Variants in DENND4C observed in about 807,000 individuals in gnomAD.
DENND4C encodes DENN domain containing 4C, also known as DENN domain-containing protein 4C.
Under a neutral mutation model 203.0 loss-of-function variants are expected in DENND4C, and 108 were observed. The observed-to-expected ratio is 0.53, with a 90% CI of 0.46 to 0.62. The LOEUF is 0.62. Among genes scored for constraint, DENND4C ranks in the 20% least tolerant of loss-of-function variants. DENND4C has a pLI of 0.00. For synonymous variants in DENND4C, 871 were observed against 792.4 expected (o/e 1.10, Z -1.67); for missense variants, 2,481 against 2,301.2 (o/e 1.08, Z -1.60).
At chr9:19,314,281 C>T (rs547802136) in intron 10 of DENND4C, among the ~76,000 whole-genome samples, 20 of 151,956 alleles carry the variant, frequency 1.3e-4, no homozygotes, top group South Asian at 8.3e-4. Flanking sequence ...AGTGAAACCC[C>T]GTCTCTACTA....
Position 19,346,893 on chromosome 9 carries a change from T to A in DENND4C, c.4124T>A (p.Leu1375Ter). ...SRTHKERSTS[L>*]SALVRSSPHG... Reference sequence around the variant, plus strand: ...ACTCATAAAGAACGTTCAACTTCTTTGTCAGCACTGGTGCGTTCTTCGCCA... The same window carrying A: ...ACTCATAAAGAACGTTCAACTTCTTAGTCAGCACTGGTGCGTTCTTCGCCA... The change falls in exon 23 of 33, where the codon TTG (leucine) becomes TAG (stop). Residue 1375 changes from leucine (L) to a stop codon, truncating the protein, a stop_gained. Transcript: ENST00000434457. LOFTEE classifies it high-confidence loss of function. 2 of 1,614,216 alleles carry A rather than the reference T, an allele frequency of 1.2e-6. No individual in the cohort carries two copies. Among genetic ancestry groups the A allele is most frequent in the Non-Finnish European group, 1.7e-6 (2 of 1,180,026 alleles).
At chr9:19,264,856 A>T (rs1332289799) in intron 1 of DENND4C, among the ~76,000 whole-genome samples, 1 of 150,798 alleles carries the variant, frequency 6.6e-6, no homozygotes, top group Non-Finnish European at 1.5e-5. Context: ...TTGCTTTTCT[A>T]ATTCTTTAAG....
intron 22 of DENND4C, among the ~76,000 whole-genome samples, chr9:19,343,843 A>G (rs1191853138): frequency 6.6e-6 from 1 of 152,320 alleles, no homozygotes; most frequent in Non-Finnish European, 1.5e-5. Context: ...GGGCGAGGAT[A>G]ATGGGGCTTT....
intron 13 of DENND4C, 25 bp downstream of exon 13, chr9:19,324,532 G>C (rs767761790): frequency 6.3e-7 from 1 of 1,585,682 alleles, no homozygotes; most frequent in South Asian, 1.2e-5. Context: ...TTATACTAGT[G>C]TTTAGAAAAA....
chr9:19,271,811 T>A (rs4977293), intron 1 of DENND4C, among the ~76,000 whole-genome samples: 2 of 150,432 alleles, frequency 1.3e-5, no homozygotes, highest in Non-Finnish European at 3.0e-5. Context: ...GAAGGTTGCG[T>A]TGAGTTGAGA....
intron 1 of DENND4C, among the ~76,000 whole-genome samples, chr9:19,236,396 G>A (rs985631064): frequency 1.2e-4 from 18 of 152,154 alleles, no homozygotes; most frequent in Admixed American, 7.9e-4. Flanking sequence ...GTAAAAAGGC[G>A]TGAAGTAATG....
intron 1 of DENND4C, among the ~76,000 whole-genome samples, chr9:19,232,943 C>T (rs950048646): frequency 1.3e-5 from 2 of 151,536 alleles, no homozygotes; most frequent in Admixed American, 1.3e-4. Context: ...AGCTTCCTGC[C>T]AAAACAAATA....
At chr9:19,354,586 CT>C (rs1199063604) in intron 26 of DENND4C, among the ~76,000 whole-genome samples, 2 of 118,488 alleles carry the variant, frequency 1.7e-5, no homozygotes, top group African/African-American at 6.5e-5. Context: ...CAGAGTTTCA[CT>C]CTTGTCGCCC....
chr9:19,237,566 C>G (rs1822316182), intron 1 of DENND4C, among the ~76,000 whole-genome samples: 1 of 151,870 alleles, frequency 6.6e-6, no homozygotes, highest in Non-Finnish European at 1.5e-5. Context: ...AATGTGTTAG[C>G]CAGGATGGTT....
rs1438018727 is a variant in DENND4C at position 19,315,510 on chromosome 9, TATGTATATAC to T, written c.1488-897_1488-888del. The stretch of plus-strand genomic sequence containing the variant: ...CTTGGAATATATATATATATACATG[TATGTATATAC>T]ATGTATATATGTATGTGTATATATA... On this transcript the variant is annotated intron_variant, in intron 10 of 32. Coordinates refer to ENST00000434457, the MANE Select transcript of DENND4C (RefSeq NM_001330640.2). 4.0e-5 allele frequency among the ~76,000 whole-genome samples: 6 copies of T among 151,094 alleles called. No homozygotes were observed. The East Asian group carries it at 1.2e-3, about 29-fold the overall frequency.
chr9:19,261,727 A>G (rs908739446), intron 1 of DENND4C, among the ~76,000 whole-genome samples: 3 of 151,418 alleles, frequency 2.0e-5, no homozygotes, highest in African/African-American at 7.3e-5. Flanking sequence ...GCTTGGACCC[A>G]TTGGCTCACT....
chr9:19,302,301 A>C (rs1838750807), intron 9 of DENND4C, among the ~76,000 whole-genome samples: 1 of 152,256 alleles, frequency 6.6e-6, no homozygotes, highest in African/African-American at 2.4e-5. Flanking sequence ...GACCCATAGC[A>C]AAGATTGATA....
intron 9 of DENND4C, among the ~76,000 whole-genome samples, chr9:19,304,785 G>A (rs1051648261): frequency 8.1e-5 from 12 of 148,634 alleles, no homozygotes; most frequent in African/African-American, 2.2e-4. Context: ...TCCTGACCTT[G>A]TGATCCACCC....
intron 16 of DENND4C, among the ~76,000 whole-genome samples, chr9:19,330,957 G>A (rs1818978708): frequency 6.6e-6 from 1 of 151,710 alleles, no homozygotes; most frequent in Non-Finnish European, 1.5e-5. Flanking sequence ...TCAGGAGGCT[G>A]AGGCAGGAGA....
intron 17 of DENND4C, 36 bp from the exon 18 acceptor site, chr9:19,334,941 T>C: frequency 1.3e-6 from 2 of 1,555,364 alleles, no homozygotes; most frequent in Non-Finnish European, 1.7e-6. Flanking sequence ...TAGATTAGTA[T>C]ACTAATTACT....
In DENND4C at chr9:19,371,780, C is replaced by A. The variant is rs1299979828; in HGVS notation, c.5700C>A (p.Phe1900Leu). The A allele has an allele frequency of 6.8e-7, 1 of 1,463,838 alleles. No individual in the cohort carries two copies. 90.7% of individuals were successfully genotyped at this position (1,463,838 alleles called of 1,614,324 possible). ...GGAGTTTATACAGAGAAATCCTCTT[C>A]TTATCATTAGTGTCTCTAGGAAGAG... ...RQRSLYREIL[F>L]LSLVSLGREN... The change falls in exon 32 of 33, where the codon TTC (phenylalanine) becomes TTA (leucine). Residue 1900 changes from phenylalanine (F) to leucine (L), a missense_variant. By Grantham distance (22) the Phe-to-Leu change is conservative. Around this residue, in one of 3 missense-constraint regions of DENND4C, gnomAD observed 2,289 missense variants for 2,113.3 expected, o/e 1.08. Coordinates refer to ENST00000434457, the MANE Select transcript of DENND4C (RefSeq NM_001330640.2).
intron 30 of DENND4C, among the ~76,000 whole-genome samples, chr9:19,365,270 T>C (rs932718698): frequency 1.3e-5 from 2 of 152,216 alleles, no homozygotes; most frequent in Non-Finnish European, 2.9e-5. Context: ...AATTGTGTAA[T>C]ATACTATCAA....
At chr9:19,301,364 A>T (rs920342544) in intron 9 of DENND4C, among the ~76,000 whole-genome samples, 3 of 152,134 alleles carry the variant, frequency 2.0e-5, no homozygotes, top group Non-Finnish European at 4.4e-5. Flanking sequence ...TAAGGACCTA[A>T]TCTCTTGTTT....
At chr9:19,244,698 C>G (rs1824691389) in intron 1 of DENND4C, among the ~76,000 whole-genome samples, 2 of 150,524 alleles carry the variant, frequency 1.3e-5, no homozygotes, top group African/African-American at 4.9e-5. Flanking sequence ...GGAGATCGTG[C>G]CACTGCACTC....
Sources: allele counts gnomAD v4.1 joint callset (sites outside exome capture counted in the v4.1 genomes callset), GRCh38; gene constraint gnomAD v4.1.1; regional missense constraint gnomAD v4.1.1; transcripts MANE v1.5; gene names NCBI Gene and HGNC (gene_info 2026-07-23, HGNC 2026-07-21).